NELL1: variants seen among roughly 807,000 people sequenced by gnomAD.
NELL1 encodes protein kinase C-binding protein NELL1.
NELL1 carries 76 observed loss-of-function variants against 107.4 expected under a neutral mutation model. The observed-to-expected ratio is 0.71, with a 90% CI of 0.59 to 0.86. NELL1 has a LOEUF of 0.86. Among genes scored for constraint, NELL1 ranks in the 40% least tolerant of loss-of-function variants. The pLI is 0.00. For synonymous variants in NELL1, 353 were observed against 341.2 expected, an observed-to-expected ratio of 1.03 and a Z score of -0.38; for missense variants, 1,024 against 1,005.5, an observed-to-expected ratio of 1.02 and a Z score of -0.25.
At chr11:21,106,290 T>A (rs955477532) in intron 12 of NELL1, among the ~76,000 whole-genome samples, 4 of 152,090 alleles carry the variant, frequency 2.6e-5, no homozygotes, top group Non-Finnish European at 5.9e-5. Context: ...ATTTACTGCA[T>A]GTTTCTATGC....
chr11:21,449,082 G>T (rs1853515943), intron 15 of NELL1, among the ~76,000 whole-genome samples: 1 of 152,072 alleles, frequency 6.6e-6, no homozygotes, highest in African/African-American at 2.4e-5. Context: ...TAGTGAAATG[G>T]CTACATCATG....
intron 15 of NELL1, among the ~76,000 whole-genome samples, chr11:21,390,546 C>T (rs1157517471): frequency 4.0e-5 from 6 of 151,424 alleles, no homozygotes; most frequent in East Asian, 2.0e-4. Context: ...CACGTGCGCA[C>T]GCACCCAAAC....
At chr11:20,723,317 A>G (rs1855434749) in intron 2 of NELL1, among the ~76,000 whole-genome samples, 1 of 152,212 alleles carries the variant, frequency 6.6e-6, no homozygotes. Context: ...AGCCTGTAAA[A>G]TAAAAAACAA....
chr11:21,039,441 C>T (rs1853174351), intron 12 of NELL1, among the ~76,000 whole-genome samples: 2 of 152,160 alleles, frequency 1.3e-5, no homozygotes, highest in South Asian at 2.1e-4. Flanking sequence ...CTGCCTTGGC[C>T]TCCCAAAGTG....
intron 12 of NELL1, among the ~76,000 whole-genome samples, chr11:20,972,543 G>A (rs1044884141): frequency 3.3e-5 from 5 of 152,120 alleles, no homozygotes; most frequent in Non-Finnish European, 7.3e-5. Flanking sequence ...GAAACTAGAG[G>A]GAGGCTGAGA....
chr11:20,866,927 G>T (rs1360651660), intron 4 of NELL1, among the ~76,000 whole-genome samples: 1 of 152,160 alleles, frequency 6.6e-6, no homozygotes, highest in Non-Finnish European at 1.5e-5. Flanking sequence ...GCACAGAGTG[G>T]ACATTCAACA....
At chr11:21,393,334 G>T (rs1025902199) in intron 15 of NELL1, among the ~76,000 whole-genome samples, 1 of 146,370 alleles carries the variant, frequency 6.8e-6, no homozygotes, top group Non-Finnish European at 1.5e-5. Flanking sequence ...GGGGTCAAAA[G>T]CTTTGATAGC....
At chr11:21,117,109 C>A (rs1855255379) in intron 13 of NELL1, among the ~76,000 whole-genome samples, 2 of 151,846 alleles carry the variant, frequency 1.3e-5, no homozygotes, top group Non-Finnish European at 2.9e-5. Context: ...TGAGCTATTG[C>A]CCTTTTATGG....
chr11:20,923,072 A>G (rs539327355), intron 7 of NELL1, among the ~76,000 whole-genome samples: 1 of 152,156 alleles, frequency 6.6e-6, no homozygotes, highest in Non-Finnish European at 1.5e-5. Context: ...GAGCCTGTGC[A>G]TTGCTGTCAA....
intron 12 of NELL1, among the ~76,000 whole-genome samples, chr11:20,988,745 C>T (rs1360255280): frequency 1.3e-5 from 2 of 151,782 alleles, no homozygotes; most frequent in African/African-American, 4.8e-5. Context: ...CGCCCGCCAC[C>T]ACACCTATTT....
intron 15 of NELL1, among the ~76,000 whole-genome samples, chr11:21,477,276 A>C (rs1854361145): frequency 6.6e-6 from 1 of 152,168 alleles, no homozygotes; most frequent in Admixed American, 6.5e-5. Context: ...AGCCACAGTA[A>C]GATAGGGCAC....
chr11:21,200,098 A>G (rs1270648243), intron 13 of NELL1, among the ~76,000 whole-genome samples: 5 of 152,168 alleles, frequency 3.3e-5, no homozygotes, highest in Non-Finnish European at 7.3e-5. Context: ...CAGTGCTGCA[A>G]TGAACATACA....
intron 14 of NELL1, among the ~76,000 whole-genome samples, chr11:21,356,846 T>G (rs1240390136): frequency 5.9e-5 from 9 of 152,122 alleles, no homozygotes; most frequent in Non-Finnish European, 1.0e-4. Context: ...ATTGTATTAT[T>G]CTTAGGCCTT....
At chr11:21,343,646 T>A (rs77355588) in intron 14 of NELL1, among the ~76,000 whole-genome samples, 3 of 152,172 alleles carry the variant, frequency 2.0e-5, no homozygotes, top group African/African-American at 7.2e-5. Context: ...GCATATGGTC[T>A]TCATCAAAAT....
At chr11:21,021,378 AC>A (rs367968190) in intron 12 of NELL1, among the ~76,000 whole-genome samples, 14 of 152,058 alleles carry the variant, frequency 9.2e-5, no homozygotes, top group African/African-American at 3.4e-4. Context: ...TGATCAATTA[AC>A]TATGGCCCAT....
chr11:21,390,746 C>T (rs979174167), intron 15 of NELL1, among the ~76,000 whole-genome samples: 13 of 151,820 alleles, frequency 8.6e-5, no homozygotes, highest in African/African-American at 2.9e-4. Context: ...TTTTCATTCA[C>T]TCAATGTTGG....
At chr11:20,911,089 A>G (rs760328284) in intron 5 of NELL1, among the ~76,000 whole-genome samples, 16 of 152,212 alleles carry the variant, frequency 1.1e-4, no homozygotes, top group African/African-American at 3.6e-4. Context: ...GAGAGAGAAC[A>G]GTTCTTCCTA....
intron 14 of NELL1, among the ~76,000 whole-genome samples, chr11:21,276,047 C>T (rs1848849447): frequency 6.6e-6 from 1 of 152,094 alleles, no homozygotes; most frequent in African/African-American, 2.4e-5. Flanking sequence ...GAAGTTCTGG[C>T]CAGGGCAATC....
At chr11:21,560,461 C>G in intron 17 of NELL1, 79 bp downstream of exon 17, 2 of 1,273,696 alleles carry the variant, frequency 1.6e-6, no homozygotes, top group Non-Finnish European at 2.1e-6. Flanking sequence ...CCAGCTCTCT[C>G]CCTCTTGCTG....
Sources: allele counts gnomAD v4.1 joint callset (sites outside exome capture counted in the v4.1 genomes callset), GRCh38; gene constraint gnomAD v4.1.1; transcripts MANE v1.5; gene names NCBI Gene and HGNC (gene_info 2026-07-23, HGNC 2026-07-21).